Variants in PGBD5 observed in about 807,000 individuals in gnomAD.
The protein encoded by PGBD5 is piggyBac transposable element derived 5, also known as piggyBac transposable element-derived protein 5.
PGBD5 carries 14 observed loss-of-function variants against 47.9 expected under a neutral mutation model. That is an observed-to-expected ratio of 0.29 (90% CI 0.19 to 0.46). PGBD5 has a LOEUF of 0.46. PGBD5 is among the 20% of genes least tolerant of loss of function. The pLI is 1.00. For missense variants in PGBD5, 635 were observed against 716.0 expected, an observed-to-expected ratio of 0.89 and a Z score of 1.29; for synonymous variants, 316 against 306.3, an observed-to-expected ratio of 1.03 and a Z score of -0.33.
chr1:230,343,017 T>C (rs1667429949), intron 3 of PGBD5, among the ~76,000 whole-genome samples: 2 of 152,206 alleles, frequency 1.3e-5, no homozygotes, highest in South Asian at 4.1e-4. Context: ...ACAATGCTGC[T>C]TGTGTCATCT....
intron 1 of PGBD5, among the ~76,000 whole-genome samples, chr1:230,418,268 G>A (rs529131418): frequency 6.6e-6 from 1 of 152,282 alleles, no homozygotes; most frequent in South Asian, 2.1e-4. Flanking sequence ...TTCGGGTTTG[G>A]AAACAAACCA....
At chr1:230,408,563 A>G (rs556187925) in intron 1 of PGBD5, among the ~76,000 whole-genome samples, 1 of 152,188 alleles carries the variant, frequency 6.6e-6, no homozygotes, top group Non-Finnish European at 1.5e-5. Context: ...ATAGAAAATA[A>G]ATTACAATCG....
intron 1 of PGBD5, among the ~76,000 whole-genome samples, chr1:230,400,748 GGT>G (rs894616072): frequency 7.9e-5 from 12 of 152,314 alleles, no homozygotes; most frequent in African/African-American, 2.9e-4. Context: ...AGGAGGCTGA[GGT>G]GTGTGGATCA....
chr1:230,324,877 C>T (rs1157676581), intron 6 of PGBD5, among the ~76,000 whole-genome samples: 1 of 152,192 alleles, frequency 6.6e-6, no homozygotes, highest in Admixed American at 6.5e-5. Context: ...TTAAGGCACC[C>T]GTGCTAGAAC....
intron 4 of PGBD5, among the ~76,000 whole-genome samples, chr1:230,334,558 G>C (rs1030662061): frequency 1.3e-5 from 2 of 152,186 alleles, no homozygotes; most frequent in African/African-American, 4.8e-5. Flanking sequence ...CAGACTCTCA[G>C]CTCTGATTCT....
At chr1:230,422,576 C>A (rs111973032) in intron 1 of PGBD5, among the ~76,000 whole-genome samples, 16 of 152,248 alleles carry the variant, frequency 1.1e-4, no homozygotes, top group Admixed American at 9.8e-4. Context: ...ACAAGCATAG[C>A]GTGTGCATTT....
chr1:230,345,064 T>G (rs1192712313), intron 3 of PGBD5, among the ~76,000 whole-genome samples: 1 of 152,232 alleles, frequency 6.6e-6, no homozygotes, highest in Admixed American at 6.5e-5. Context: ...CCCAACGTGT[T>G]CAAACAGGAG....
intron 5 of PGBD5, among the ~76,000 whole-genome samples, chr1:230,328,647 G>A (rs775714007): frequency 4.6e-5 from 7 of 152,170 alleles, no homozygotes; most frequent in Non-Finnish European, 8.8e-5. Context: ...GTTCAAGATC[G>A]ACATGGCCCT....
At chr1:230,365,129 C>T (rs557593636) in intron 1 of PGBD5, among the ~76,000 whole-genome samples, 74 of 151,218 alleles carry the variant, frequency 4.9e-4, no homozygotes, top group African/African-American at 1.6e-3. Context: ...CTGGCTAACA[C>T]GGTGAAACCC....
In PGBD5 at chr1:230,335,652, CAA is replaced by C. The variant is rs1183541868; in HGVS notation, c.1075+1454_1075+1455del. Among the ~76,000 whole-genome samples, 10 of 104,784 alleles carry C rather than the reference CAA, an allele frequency of 9.5e-5. 2 individuals are homozygous for C. The East Asian group carries it at 1.2e-3, about 13-fold the overall frequency. 68.7% of individuals were successfully genotyped at this position (104,784 alleles called of 152,430 possible). ...ACACACAGACACAAACACAGACGCACAAACAGACACACACAGATACACAGATA... is the reference window on the plus strand; with the variant it reads ...ACACACAGACACAAACACAGACGCACACAGACACACACAGATACACAGATA... On this transcript the variant is annotated intron_variant, in intron 4 of 6. Coordinates refer to ENST00000391860, the MANE Select transcript of PGBD5 (RefSeq NM_001258311.2).
intron 4 of PGBD5, among the ~76,000 whole-genome samples, chr1:230,335,171 A>T: frequency 9.5e-6 from 1 of 104,852 alleles, no homozygotes; most frequent in Non-Finnish European, 2.0e-5. Flanking sequence ...ACACACAGAC[A>T]CACAGACACA....
At chr1:230,377,489 C>A (rs1484856310) in intron 1 of PGBD5, 6 of 1,612,492 alleles carry the variant, frequency 3.7e-6, no homozygotes, top group Non-Finnish European at 5.1e-6. Context: ...CTTACTAAGA[C>A]AGCTGTACCT....
chr1:230,323,203 C>A lies in PGBD5; in HGVS notation c.*222G>T, dbSNP rs969801152. On this transcript the variant is annotated 3_prime_UTR_variant, in exon 7 of 7. Coordinates refer to ENST00000391860, the MANE Select transcript of PGBD5 (RefSeq NM_001258311.2). The surrounding 1 kb of genome is among the most constrained non-coding windows in gnomAD (Gnocchi z 4.1). Reference sequence around the variant, plus strand: ...TGGGTGTAAGTGCTCATCACACCGGCGGCACTGTTTCTCGAGGGAGGACAT... The same window carrying A: ...TGGGTGTAAGTGCTCATCACACCGGAGGCACTGTTTCTCGAGGGAGGACAT... 3 of 564,424 alleles carry A rather than the reference C, an allele frequency of 5.3e-6. No homozygotes were observed. The highest frequency in any genetic ancestry group is 6.6e-5 in the Admixed American group (2 of 30,450). 35.0% of individuals were successfully genotyped at this position (564,424 alleles called of 1,614,324 possible). A position where few individuals can be genotyped will look rare whatever the true frequency, so the allele number is the denominator to read the frequency against.
intron 2 of PGBD5, among the ~76,000 whole-genome samples, chr1:230,355,865 T>C (rs1464914909): frequency 6.6e-6 from 1 of 151,866 alleles, no homozygotes; most frequent in Non-Finnish European, 1.5e-5. Flanking sequence ...GGGAGAACGA[T>C]CCAGAGAGAA....
At chr1:230,423,988 T>G (rs1657716499) in intron 1 of PGBD5, among the ~76,000 whole-genome samples, 1 of 152,150 alleles carries the variant, frequency 6.6e-6, no homozygotes, top group Non-Finnish European at 1.5e-5. Flanking sequence ...GATTTAAAAT[T>G]TATTTGTGTG....
chr1:230,418,611 T>G (rs76318294), intron 1 of PGBD5, among the ~76,000 whole-genome samples: 9,468 of 152,230 alleles, frequency 0.062, 391 homozygotes, highest in Middle Eastern at 0.12. Flanking sequence ...CAGCCTTTAG[T>G]GTAGCTGGGA....
chr1:230,331,737 T>A (rs1291912595), intron 5 of PGBD5, among the ~76,000 whole-genome samples: 1 of 151,714 alleles, frequency 6.6e-6, no homozygotes, highest in Non-Finnish European at 1.5e-5. Context: ...TCAAGCAATG[T>A]CCTGCCACAG....
At chr1:230,349,404 A>T (rs1667526692) in intron 3 of PGBD5, among the ~76,000 whole-genome samples, 2 of 152,078 alleles carry the variant, frequency 1.3e-5, no homozygotes, top group Admixed American at 1.3e-4. Flanking sequence ...GAATGGTGTC[A>T]CATGTCCATG....
chr1:230,389,010 G>A (rs895081399), intron 1 of PGBD5, among the ~76,000 whole-genome samples: 3 of 152,178 alleles, frequency 2.0e-5, no homozygotes, highest in Admixed American at 2.0e-4. Flanking sequence ...CCAATGCCCT[G>A]GGAAGACTGG....
Sources: gnomAD v4.1 joint callset for allele counts (sites outside exome capture counted in the v4.1 genomes callset) on GRCh38, gnomAD v4.1.1 for gene constraint, Gnocchi (gnomAD v3.1) non-coding constraint, MANE v1.5 for transcripts, NCBI Gene and HGNC (gene_info 2026-07-23, HGNC 2026-07-21) for gene names.